The following CNTN4 variants were observed in gnomAD, a reference collection of about 807,000 sequenced individuals.
The protein encoded by CNTN4 is contactin 4.
A neutral mutation model predicts 122.5 loss-of-function variants in CNTN4; 77 were observed. That is an observed-to-expected ratio of 0.63 (90% CI 0.52 to 0.76). CNTN4 has a LOEUF of 0.76. CNTN4 is among the 30% of genes least tolerant of loss of function. The probability of loss-of-function intolerance (pLI) is 0.00; values close to 1 mark genes in which losing one functional copy is unlikely to be tolerated. For missense variants in CNTN4, 1,256 were observed against 1,259.1 expected, an observed-to-expected ratio of 1.00 and a Z score of 0.04; for synonymous variants, 512 against 447.0, an observed-to-expected ratio of 1.15 and a Z score of -1.83.
chr3:2,169,880 G>T (rs1215513075), intron 2 of CNTN4, among the ~76,000 whole-genome samples: 8 of 151,992 alleles, frequency 5.3e-5, no homozygotes, highest in Admixed American at 5.2e-4. Flanking sequence ...ATAAATAATG[G>T]GAAAGGACAA....
intron 2 of CNTN4, among the ~76,000 whole-genome samples, chr3:2,125,530 T>C (rs1364540112): frequency 2.0e-5 from 3 of 151,792 alleles, no homozygotes; most frequent in African/African-American, 7.2e-5. Flanking sequence ...GGCACAGATT[T>C]CTATGAAGAT....
intron 2 of CNTN4, among the ~76,000 whole-genome samples, chr3:2,300,413 T>C (rs2042461760): frequency 6.6e-6 from 1 of 152,070 alleles, no homozygotes; most frequent in Non-Finnish European, 1.5e-5. Context: ...TAAGCAATAC[T>C]TTTTCCTTAA....
intron 15 of CNTN4, among the ~76,000 whole-genome samples, chr3:3,028,240 G>A (rs1698893397): frequency 6.6e-6 from 1 of 152,134 alleles, no homozygotes; most frequent in African/African-American, 2.4e-5. Context: ...TATTCTGTCA[G>A]GAACACAACA....
At chr3:2,566,670 A>G (rs1351980633) in intron 3 of CNTN4, among the ~76,000 whole-genome samples, 1 of 152,206 alleles carries the variant, frequency 6.6e-6, no homozygotes, top group Non-Finnish European at 1.5e-5. Flanking sequence ...CACATACAAA[A>G]CAAGCCAGTG....
At chr3:2,985,998 T>G (rs1169368492) in intron 13 of CNTN4, among the ~76,000 whole-genome samples, 1 of 143,898 alleles carries the variant, frequency 6.9e-6, no homozygotes, top group Non-Finnish European at 1.5e-5. Flanking sequence ...CACTGCAACC[T>G]CCACCTCCTA....
At chr3:2,564,069 A>G (rs1297757734) in intron 3 of CNTN4, among the ~76,000 whole-genome samples, 3 of 152,188 alleles carry the variant, frequency 2.0e-5, no homozygotes, top group Non-Finnish European at 2.9e-5. Context: ...AGAGTTGAAT[A>G]TCATCATTCA....
At chr3:3,010,901 C>T (rs1697160749) in intron 14 of CNTN4, among the ~76,000 whole-genome samples, 1 of 151,858 alleles carries the variant, frequency 6.6e-6, no homozygotes, top group Admixed American at 6.6e-5. Context: ...TAAGTACACC[C>T]TCATTGAAAT....
At chr3:2,244,157 A>G (rs534725973) in intron 2 of CNTN4, among the ~76,000 whole-genome samples, 2 of 152,092 alleles carry the variant, frequency 1.3e-5, no homozygotes, top group South Asian at 4.1e-4. Flanking sequence ...AATTAGGCAC[A>G]GTAAGAAATT....
intron 4 of CNTN4, among the ~76,000 whole-genome samples, chr3:2,639,217 C>A (rs1387709990): frequency 2.0e-5 from 3 of 152,130 alleles, no homozygotes; most frequent in Non-Finnish European, 4.4e-5. Context: ...CACTGCATCC[C>A]TCCTCAACTA....
chr3:2,225,673 G>T (rs1418149166), intron 2 of CNTN4, among the ~76,000 whole-genome samples: 1 of 152,152 alleles, frequency 6.6e-6, no homozygotes, highest in Non-Finnish European at 1.5e-5. Flanking sequence ...TAAAGTCATT[G>T]ATCTAAACTT....
rs766792065 is a variant in CNTN4, at chr3:2,927,331, T to C, written c.1358+1552T>C. The stretch of plus-strand genomic sequence containing the variant: ...AGGGGTTTGGTAGTGGCTCTGCTCC[T>C]CTCTAAGGCCAGCCTGGTGGACCAA... On this transcript the variant is annotated intron_variant, in intron 13 of 24. Coordinates refer to ENST00000418658, the MANE Select transcript of CNTN4 (RefSeq NM_175607.3). 8 of 455,908 alleles carry C rather than the reference T, an allele frequency of 1.8e-5. 1 individual carries two copies. The highest frequency in any genetic ancestry group is 9.3e-5 in the South Asian group (6 of 64,506). 28.2% of individuals were successfully genotyped at this position (455,908 alleles called of 1,614,324 possible).
intron 12 of CNTN4, among the ~76,000 whole-genome samples, chr3:2,917,504 C>T (rs1165111895): frequency 6.6e-6 from 1 of 152,110 alleles, no homozygotes. Flanking sequence ...TGGAATTCTG[C>T]ATTTCTAACA....
intron 4 of CNTN4, among the ~76,000 whole-genome samples, chr3:2,642,154 C>T (rs189661054): frequency 2.0e-5 from 3 of 152,266 alleles, no homozygotes; most frequent in East Asian, 1.9e-4. Flanking sequence ...GTAGGGAAGC[C>T]GACAGTGCAG....
chr3:2,641,568 T>C (rs573860263), intron 4 of CNTN4, among the ~76,000 whole-genome samples: 1 of 152,318 alleles, frequency 6.6e-6, no homozygotes, highest in East Asian at 1.9e-4. Flanking sequence ...TGTCTTATTG[T>C]CAACTGCTTC....
At chr3:2,107,651 C>T (rs181298188) in intron 2 of CNTN4, among the ~76,000 whole-genome samples, 24 of 152,188 alleles carry the variant, frequency 1.6e-4, no homozygotes, top group Non-Finnish European at 3.2e-4. Context: ...GATTTTGCAG[C>T]TCTTCAGATT....
chr3:2,700,620 T>A (rs2086300204), intron 4 of CNTN4, among the ~76,000 whole-genome samples: 1 of 150,342 alleles, frequency 6.7e-6, no homozygotes, highest in Admixed American at 6.7e-5. Flanking sequence ...GTCATCTGAT[T>A]CACTGAGATA....
chr3:2,576,228 C>T (rs2079677255), intron 4 of CNTN4, among the ~76,000 whole-genome samples: 2 of 152,080 alleles, frequency 1.3e-5, no homozygotes, highest in African/African-American at 2.4e-5. Context: ...TGCTGTATTC[C>T]CAGCATCCAG....
intron 13 of CNTN4, among the ~76,000 whole-genome samples, chr3:2,935,221 A>G (rs1055275916): frequency 1.3e-5 from 2 of 152,210 alleles, no homozygotes; most frequent in African/African-American, 4.8e-5. Flanking sequence ...TGCTCTAGTC[A>G]TGTGGCATAG....
intron 2 of CNTN4, among the ~76,000 whole-genome samples, chr3:2,103,509 G>C (rs2032168190): frequency 6.6e-6 from 1 of 152,166 alleles, no homozygotes; most frequent in East Asian, 1.9e-4. Flanking sequence ...TCTATTGTGG[G>C]AGTCTTGCGC....
Sources: allele counts gnomAD v4.1 joint callset (sites outside exome capture counted in the v4.1 genomes callset), GRCh38; gene constraint gnomAD v4.1.1; transcripts MANE v1.5; gene names NCBI Gene and HGNC (gene_info 2026-07-23, HGNC 2026-07-21).